Variants in ARMC3 observed in about 807,000 individuals in gnomAD.
ARMC3 encodes the protein armadillo repeat-containing protein 3.
ARMC3 carries 74 observed loss-of-function variants against 90.3 expected under a neutral mutation model. The observed-to-expected ratio is 0.82, with a 90% CI of 0.68 to 0.99. The LOEUF (loss-of-function observed/expected upper bound fraction) is 0.99, where lower values mean the gene tolerates loss of function less well. Ranked by LOEUF, ARMC3 falls within the 50% of genes least tolerant of loss-of-function variation. The pLI, the probability that ARMC3 is intolerant of heterozygous loss-of-function variation, is 0.00. For missense variants in ARMC3, 958 were observed against 1,042.8 expected (o/e 0.92, Z 1.12); for synonymous variants, 334 against 361.8 (o/e 0.92, Z 0.87).
chr10:23,036,262 G>A (rs1232437166), intron 18 of ARMC3, among the ~76,000 whole-genome samples: 1 of 152,100 alleles, frequency 6.6e-6, no homozygotes, highest in Non-Finnish European at 1.5e-5. Context: ...TTTACCAGTA[G>A]GTCTATGTAG....
intron 17 of ARMC3, 139 bp downstream of exon 17, chr10:23,030,935 T>C: frequency 1.0e-6 from 1 of 960,358 alleles, no homozygotes; most frequent in Non-Finnish European, 1.5e-6. Context: ...AGAAACACAA[T>C]GAATTGGAAA....
intron 2 of ARMC3, among the ~76,000 whole-genome samples, chr10:22,938,713 T>C (rs961352717): frequency 6.6e-6 from 1 of 152,174 alleles, no homozygotes; most frequent in African/African-American, 2.4e-5. Context: ...TACAACATAC[T>C]GAAATAGACA....
chr10:23,026,841 C>T (rs1054830040), intron 16 of ARMC3, among the ~76,000 whole-genome samples: 1 of 152,148 alleles, frequency 6.6e-6, no homozygotes, highest in Non-Finnish European at 1.5e-5. Context: ...ACCCTCAAGT[C>T]GAATTGCCCC....
chr10:23,005,006 G>GGAA (rs56393584), intron 13 of ARMC3, among the ~76,000 whole-genome samples: 1 of 150,914 alleles, frequency 6.6e-6, no homozygotes, highest in East Asian at 1.9e-4. Flanking sequence ...CACGAGGTCA[G>GGAA]ATCGAGACCA....
intron 16 of ARMC3, among the ~76,000 whole-genome samples, chr10:23,015,511 A>C (rs1396866516): frequency 1.3e-5 from 2 of 152,208 alleles, no homozygotes; most frequent in Non-Finnish European, 2.9e-5. Flanking sequence ...ACCAGTTTTC[A>C]TGAACGTTCA....
chr10:23,001,886 C>T, intron 11 of ARMC3, 33 bp from the exon 12 acceptor site: 2 of 1,608,142 alleles, frequency 1.2e-6, no homozygotes, highest in Non-Finnish European at 1.7e-6. Context: ...ATTCTACACT[C>T]TTAATGTGTA....
chr10:22,946,240 AT>A lies in ARMC3; in HGVS notation c.148del (p.Tyr50IlefsTer5). 1 of 1,607,098 alleles carries A rather than the reference AT, an allele frequency of 6.2e-7. No homozygotes were observed. The highest frequency in any genetic ancestry group is 8.5e-7 in the Non-Finnish European group (1 of 1,175,358). On this transcript the variant is annotated frameshift_variant, in exon 3 of 19. Coordinates refer to ENST00000298032, the MANE Select transcript of ARMC3 (RefSeq NM_173081.5). LOFTEE classifies it high-confidence loss of function. ...AATTTTGGCTAAAGCATGTGAAGCC[AT>A]TTATAAATTTGCTTTAAAAGGTTTG... is the stretch of plus-strand genomic sequence containing the variant. ...EEILAKACEA[I>X]YKFALKGEEN...
intron 16 of ARMC3, among the ~76,000 whole-genome samples, chr10:23,017,971 A>G (rs1838349530): frequency 6.6e-6 from 1 of 152,240 alleles, no homozygotes; most frequent in South Asian, 2.1e-4. Context: ...GTGTGTAAGA[A>G]AATCTGCCCT....
intron 18 of ARMC3, among the ~76,000 whole-genome samples, chr10:23,035,789 C>T (rs1423956776): frequency 2.0e-5 from 3 of 152,104 alleles, no homozygotes; most frequent in African/African-American, 7.2e-5. Flanking sequence ...TTTCCCAGCT[C>T]CTAGTGGCAG....
intron 16 of ARMC3, among the ~76,000 whole-genome samples, chr10:23,012,928 C>G (rs1838088889): frequency 6.9e-6 from 1 of 144,418 alleles, no homozygotes; most frequent in East Asian, 2.0e-4. Context: ...CTCACTCTAT[C>G]ACCAGGCTGG....
At chr10:22,977,727 TC>T (rs1175744106) in intron 8 of ARMC3, among the ~76,000 whole-genome samples, 4 of 152,242 alleles carry the variant, frequency 2.6e-5, no homozygotes, top group Non-Finnish European at 4.4e-5. Context: ...GGTTTAATTT[TC>T]TTATAGCCTA....
At chr10:22,993,064 A>G (rs563907429) in intron 10 of ARMC3, among the ~76,000 whole-genome samples, 1 of 152,350 alleles carries the variant, frequency 6.6e-6, no homozygotes, top group South Asian at 2.1e-4. Flanking sequence ...CTTATTGCCA[A>G]TATCACCATC....
At chr10:23,032,742 G>A in intron 17 of ARMC3, 119 bp from the exon 18 acceptor site, 4 of 1,088,998 alleles carry the variant, frequency 3.7e-6, no homozygotes, top group Non-Finnish European at 5.2e-6. Flanking sequence ...CAAAAATAAA[G>A]CACAACAAAA....
chr10:22,998,140 T>C lies in ARMC3; in HGVS notation c.1176-8T>C. 6.2e-7 allele frequency: 1 copy of C among 1,611,736 alleles called. No homozygotes were observed. The highest frequency in any genetic ancestry group is 8.5e-7 in the Non-Finnish European group (1 of 1,178,524). On this transcript the variant is annotated splice_polypyrimidine_tract_variant and splice_region_variant and intron_variant, in intron 10 of 18. Coordinates refer to ENST00000298032, the MANE Select transcript of ARMC3 (RefSeq NM_173081.5). The stretch of plus-strand genomic sequence containing the variant: ...TGAATCACATTCATTTCTCTTTCAT[T>C]TACTCAGCGCTGCTGCTGAAGCTGA...
At chr10:23,005,298 A>G (rs1294294297) in intron 13 of ARMC3, among the ~76,000 whole-genome samples, 1 of 152,098 alleles carries the variant, frequency 6.6e-6, no homozygotes, top group Non-Finnish European at 1.5e-5. Context: ...ATCGCAGAAC[A>G]CTTACCAGGA....
At chr10:22,999,597 T>A (rs190879804) in intron 11 of ARMC3, among the ~76,000 whole-genome samples, 1 of 152,340 alleles carries the variant, frequency 6.6e-6, no homozygotes, top group East Asian at 1.9e-4. Context: ...TTACATGCAT[T>A]TAAGCCTCAT....
intron 8 of ARMC3, among the ~76,000 whole-genome samples, chr10:22,971,441 GTTT>G: frequency 7.8e-6 from 1 of 128,534 alleles, no homozygotes; most frequent in Admixed American, 7.8e-5. Flanking sequence ...TATATTTTTA[GTTT>G]TTTTTTTTTT....
At position 23,033,485 on chromosome 10, in the gene ARMC3, A is replaced by T. The variant is rs148418657; in HGVS notation, c.2409+462A>T. ...AAGTAAAGAAGGAAAACAAGCGTAT[A>T]CTAAACAGAGAAAACATCTTATGCA... On this transcript the variant is annotated intron_variant, in intron 18 of 18. Coordinates refer to ENST00000298032, the MANE Select transcript of ARMC3 (RefSeq NM_173081.5). Among the ~76,000 whole-genome samples, 94 of 152,342 alleles carry T rather than the reference A, an allele frequency of 6.2e-4. 1 individual carries two copies. Among genetic ancestry groups the T allele is most frequent in the African/African-American group, 2.0e-3 (83 of 41,586 alleles).
At chr10:23,000,543 T>A (rs1402921952) in intron 11 of ARMC3, among the ~76,000 whole-genome samples, 1 of 152,196 alleles carries the variant, frequency 6.6e-6, no homozygotes, top group African/African-American at 2.4e-5. Flanking sequence ...ACCTGGCACA[T>A]AATATATGCT....
Sources: allele counts gnomAD v4.1 joint callset (sites outside exome capture counted in the v4.1 genomes callset), GRCh38; gene constraint gnomAD v4.1.1; transcripts MANE v1.5; gene names NCBI Gene and HGNC (gene_info 2026-07-23, HGNC 2026-07-21).